GRK3: variants seen among roughly 807,000 people sequenced by gnomAD.
GRK3 encodes adrenergic, beta, receptor kinase 2.
In GRK3, 54 loss-of-function variants were observed where a neutral mutation model predicts 95.7. The ratio of observed to expected loss-of-function variants is 0.56; its 90% CI spans 0.45 to 0.71. GRK3 has a LOEUF of 0.71. GRK3 is among the 30% of genes least tolerant of loss of function. GRK3 has a pLI of 0.00. For missense variants in GRK3, 649 were observed against 851.2 expected (o/e 0.76, Z 2.96); for synonymous variants, 281 against 290.8 (o/e 0.97, Z 0.34).
chr22:25,565,640 C>T (rs1931450242), intron 1 of GRK3, among the ~76,000 whole-genome samples: 1 of 152,222 alleles, frequency 6.6e-6, no homozygotes, highest in South Asian at 2.1e-4. Context: ...GGGCCGCTTA[C>T]CTGGGGACTG....
rs555641304 is a variant in GRK3 at position 25,569,986 on chromosome 22, C to T, written c.113+4833C>T. Among the ~76,000 whole-genome samples, 452 of 152,320 alleles carry T rather than the reference C, an allele frequency of 3.0e-3. 5 individuals carry two copies. In the Middle Eastern group the frequency reaches 0.031, roughly 10 times the overall value. On this transcript the variant is annotated intron_variant, in intron 1 of 20. Transcript: ENST00000324198. ...TTTCGCCCAGCTCGGGGTCTTTCCC[C>T]GCCCAGGCAGGGTCTTGCTGGGCTG... is the stretch of plus-strand genomic sequence containing the variant.
intron 1 of GRK3, among the ~76,000 whole-genome samples, chr22:25,587,530 G>A (rs1483470016): frequency 6.6e-6 from 1 of 152,160 alleles, no homozygotes; most frequent in Non-Finnish European, 1.5e-5. Flanking sequence ...CCAGGCTTAA[G>A]CAATCCTGCC....
chr22:25,678,370 G>T (rs182017581), intron 8 of GRK3, among the ~76,000 whole-genome samples: 2 of 152,250 alleles, frequency 1.3e-5, no homozygotes, highest in Non-Finnish European at 2.9e-5. Context: ...CAGGAGAATG[G>T]TGTGAACCCG....
At chr22:25,699,120 A>G (rs1463006285) in intron 13 of GRK3, among the ~76,000 whole-genome samples, 2 of 152,176 alleles carry the variant, frequency 1.3e-5, no homozygotes, top group African/African-American at 4.8e-5. Context: ...TGTGTGCAGG[A>G]GCCCTCACTG....
intron 20 of GRK3, 152 bp downstream of exon 20, chr22:25,721,549 TCG>T (rs1453471504): frequency 2.1e-5 from 11 of 534,576 alleles, no homozygotes; most frequent in Non-Finnish European, 3.3e-5. Flanking sequence ...AGCAAATTCA[TCG>T]TGATTTTTTA....
intron 1 of GRK3, among the ~76,000 whole-genome samples, chr22:25,584,818 A>G (rs572078375): frequency 6.6e-6 from 1 of 152,404 alleles, no homozygotes; most frequent in South Asian, 2.1e-4. Flanking sequence ...AAACTTAGAT[A>G]CAGGGAAACC....
intron 3 of GRK3, chr22:25,647,524 G>A: frequency 6.7e-7 from 1 of 1,502,564 alleles, no homozygotes; most frequent in Non-Finnish European, 9.3e-7. Flanking sequence ...ATATCCTGCT[G>A]GCTTAACACG....
chr22:25,669,611 TCCTGTCAAAAGTGTCCCACTCAGTAA>T (rs1339042051), intron 6 of GRK3, among the ~76,000 whole-genome samples: 7 of 152,164 alleles, frequency 4.6e-5, no homozygotes, highest in Admixed American at 1.3e-4. Flanking sequence ...ACAGTTCCCC[TCCTGTCAAAAGTGTCCCACTCAGTAA>T]CCAGGCATTG....
chr22:25,653,067 A>C (rs1040766399), intron 3 of GRK3, among the ~76,000 whole-genome samples: 2 of 152,236 alleles, frequency 1.3e-5, no homozygotes, highest in African/African-American at 2.4e-5. Flanking sequence ...ATGACTGTAT[A>C]TCTAACAAGT....
chr22:25,701,407 A>G (rs1041249661), intron 13 of GRK3, among the ~76,000 whole-genome samples: 4 of 152,264 alleles, frequency 2.6e-5, no homozygotes, highest in Admixed American at 6.5e-5. Flanking sequence ...TTTCAACTTG[A>G]AAGACCAAAC....
intron 3 of GRK3, among the ~76,000 whole-genome samples, chr22:25,660,740 A>T (rs1303607249): frequency 6.6e-6 from 1 of 152,174 alleles, no homozygotes; most frequent in African/African-American, 2.4e-5. Flanking sequence ...TCTTTGTGAC[A>T]GTTTCCCTCC....
chr22:25,613,750 C>T (rs2084516114), intron 2 of GRK3, among the ~76,000 whole-genome samples: 2 of 152,352 alleles, frequency 1.3e-5, no homozygotes, highest in African/African-American at 4.8e-5. Context: ...GGCATCAGCT[C>T]CTGGTGCTGG....
At chr22:25,673,255 G>A (rs1204499952) in intron 7 of GRK3, among the ~76,000 whole-genome samples, 1 of 151,760 alleles carries the variant, frequency 6.6e-6, no homozygotes, top group Non-Finnish European at 1.5e-5. Context: ...GTAGAGATGG[G>A]GTTTCACCGT....
At chr22:25,612,822 A>T (rs1184981802) in intron 2 of GRK3, among the ~76,000 whole-genome samples, 23 of 151,404 alleles carry the variant, frequency 1.5e-4, no homozygotes, top group Admixed American at 1.5e-3. Flanking sequence ...ATACATTGAT[A>T]AAAACAGAAA....
chr22:25,612,543 A>C (rs1016880710), intron 2 of GRK3, among the ~76,000 whole-genome samples: 2 of 151,970 alleles, frequency 1.3e-5, no homozygotes, highest in Non-Finnish European at 2.9e-5. Context: ...TGTATTCCTT[A>C]GAATTTTTTA....
intron 4 of GRK3, among the ~76,000 whole-genome samples, chr22:25,663,421 G>A (rs185105999): frequency 2.8e-3 from 422 of 152,284 alleles, no homozygotes; most frequent in African/African-American, 9.7e-3. Flanking sequence ...TTCTGGGCAT[G>A]TATCTAAGAA....
intron 2 of GRK3, among the ~76,000 whole-genome samples, chr22:25,625,217 C>T (rs1003291810): frequency 3.9e-5 from 6 of 152,102 alleles, no homozygotes; most frequent in African/African-American, 1.4e-4. Context: ...ATAGTTATAC[C>T]AGATATAGAT....
At chr22:25,719,495 A>G (rs1211154992) in intron 19 of GRK3, among the ~76,000 whole-genome samples, 2 of 152,322 alleles carry the variant, frequency 1.3e-5, no homozygotes, top group Admixed American at 6.5e-5. Context: ...TGGATCATAC[A>G]ACAGACAGCA....
At chr22:25,715,427 C>T (rs1266565684) in intron 18 of GRK3, among the ~76,000 whole-genome samples, 3 of 152,050 alleles carry the variant, frequency 2.0e-5, no homozygotes, top group Non-Finnish European at 4.4e-5. Context: ...AGGAAGATCA[C>T]TTGAGACCAG....
Sources: allele counts gnomAD v4.1 joint callset (sites outside exome capture counted in the v4.1 genomes callset), GRCh38; gene constraint gnomAD v4.1.1; transcripts MANE v1.5; gene names NCBI Gene and HGNC (gene_info 2026-07-23, HGNC 2026-07-21).